CACNA1A: variants seen among roughly 807,000 people sequenced by gnomAD.
CACNA1A encodes the protein calcium voltage-gated channel subunit alpha1 A.
CACNA1A carries 57 observed loss-of-function variants against 262.4 expected under a neutral mutation model. That is an observed-to-expected ratio of 0.22 (90% CI 0.18 to 0.27). The LOEUF is 0.27. CACNA1A is among the 10% of genes least tolerant of loss of function. The pLI is 1.00. For missense variants in CACNA1A, 2,526 were observed against 3,562.8 expected (o/e 0.71, Z 7.41); for synonymous variants, 1,431 against 1,419.3 (o/e 1.01, Z -0.18).
chr19:13,219,813 C>T (rs972721886), intron 38 of CACNA1A, among the ~76,000 whole-genome samples: 1 of 151,850 alleles, frequency 6.6e-6, no homozygotes. Context: ...ATTATCCGGG[C>T]GTGGTGGCAC....
intron 3 of CACNA1A, among the ~76,000 whole-genome samples, chr19:13,373,023 T>C (rs34173160): frequency 0.065 from 9,924 of 152,296 alleles, 458 homozygotes; most frequent in Non-Finnish European, 0.1. Flanking sequence ...CTAAGTGATG[T>C]ACAGTGCGTG....
At chr19:13,221,836 T>C (rs774398143) in intron 38 of CACNA1A, among the ~76,000 whole-genome samples, 39 of 152,096 alleles carry the variant, frequency 2.6e-4, no homozygotes, top group Admixed American at 2.3e-3. Context: ...TGGCCTCCTC[T>C]TCTTCTTTCC....
chr19:13,338,109 G>T (rs2058608386), intron 6 of CACNA1A, among the ~76,000 whole-genome samples: 2 of 152,074 alleles, frequency 1.3e-5, no homozygotes, highest in South Asian at 4.2e-4. Flanking sequence ...TAGCTACCTG[G>T]GAGGCTGAGG....
intron 3 of CACNA1A, among the ~76,000 whole-genome samples, chr19:13,387,100 C>A: frequency 6.6e-6 from 1 of 152,078 alleles, no homozygotes; most frequent in Middle Eastern, 3.4e-3. Flanking sequence ...TACAGGCGTG[C>A]GCCACCACGC....
At chr19:13,322,459 T>A (rs980029057) in intron 10 of CACNA1A, among the ~76,000 whole-genome samples, 2 of 152,192 alleles carry the variant, frequency 1.3e-5, no homozygotes, top group Non-Finnish European at 2.9e-5. Context: ...TTCTGTTGTT[T>A]TAAGCCACTG....
intron 3 of CACNA1A, among the ~76,000 whole-genome samples, chr19:13,376,303 G>A (rs185450525): frequency 2.0e-5 from 3 of 152,206 alleles, no homozygotes; most frequent in African/African-American, 7.2e-5. Context: ...TCAATGCCTG[G>A]CTTCAAAGCT....
At position 13,294,150 on chromosome 19, in the gene CACNA1A, A is replaced by G. The variant is rs1230271348; in HGVS notation, c.3089+4394T>C. 2.0e-5 allele frequency among the ~76,000 whole-genome samples: 3 copies of G among 151,360 alleles called. No homozygotes were observed. The East Asian group carries it at 5.8e-4, about 29-fold the overall frequency. ...AGACATGAGGTCTTGCTCATCTCTA[A>G]AATGAGCAATGCTACTGCAATCCAA... On this transcript the variant is annotated intron_variant, in intron 19 of 46. Transcript: ENST00000360228.
rs2057330494 is a variant in CACNA1A at position 13,283,237 on chromosome 19, C to T, written c.3822+30G>A. ...AGTGGCCTGAGGCAGAGCAGCCAGG[C>T]TAGGAAGGGGTGTGCTCTGTGGGAC... On this transcript the variant is annotated intron_variant, in intron 22 of 46. Coordinates refer to ENST00000360228, the MANE Select transcript of CACNA1A (RefSeq NM_001127222.2). The T allele has an allele frequency of 1.9e-6, 3 of 1,607,116 alleles. No individual in the cohort carries two copies. The Admixed American group carries it at 5.0e-5, about 27-fold the overall frequency.
At chr19:13,328,580 C>T (rs1403867659) in intron 10 of CACNA1A, among the ~76,000 whole-genome samples, 1 of 152,072 alleles carries the variant, frequency 6.6e-6, no homozygotes, top group Non-Finnish European at 1.5e-5. Context: ...AGTTGAAAAG[C>T]TGTTAATATC....
At chr19:13,344,931 A>ATT (rs144371983) in intron 6 of CACNA1A, among the ~76,000 whole-genome samples, 1 of 150,856 alleles carries the variant, frequency 6.6e-6, no homozygotes, top group Non-Finnish European at 1.5e-5. Flanking sequence ...ATTTTTTTGT[A>ATT]TTTTTTTAGT....
intron 6 of CACNA1A, among the ~76,000 whole-genome samples, chr19:13,349,872 T>C (rs532687093): frequency 2.2e-4 from 33 of 152,174 alleles, no homozygotes; most frequent in Admixed American, 1.9e-3. Flanking sequence ...ACAGAGGAAG[T>C]GGCTGATCAC....
At chr19:13,295,484 T>C (rs1326224161) in intron 19 of CACNA1A, among the ~76,000 whole-genome samples, 2 of 146,870 alleles carry the variant, frequency 1.4e-5, no homozygotes, top group Non-Finnish European at 3.0e-5. Flanking sequence ...GGGTTTTTTC[T>C]TTCTTTCTTT....
In CACNA1A at chr19:13,212,414, G is replaced by T. The variant is rs767440240; in HGVS notation, c.6159C>A (p.Thr2053=). The T allele has an allele frequency of 6.2e-7, 1 of 1,613,376 alleles. No homozygotes were observed. The highest frequency in any genetic ancestry group is 1.7e-5 in the Admixed American group (1 of 59,902). The stretch of plus-strand genomic sequence containing the variant: ...AGTTAGGCTGGCTGTTGGGCATGTC[G>T]GTAGGGGGGCCTTGTTCCGGACTCC... The part of the protein sequence containing the change: ...GTWSPEQGPP[T]DMPNSQPNSQ... The change falls in exon 42 of 47, where the codon ACC becomes ACA. Residue 2053 remains threonine (T), a synonymous_variant. Transcript: ENST00000360228. The surrounding 1 kb of genome is among the most constrained non-coding windows in gnomAD (Gnocchi z 5.6).
chr19:13,494,284 A>T (rs1406069811), intron 1 of CACNA1A, among the ~76,000 whole-genome samples: 1 of 152,214 alleles, frequency 6.6e-6, no homozygotes, highest in African/African-American at 2.4e-5. Context: ...TATATTTTAT[A>T]TTCTTTTTTG....
chr19:13,353,558 A>G (rs1487642641), intron 6 of CACNA1A, among the ~76,000 whole-genome samples: 3 of 152,120 alleles, frequency 2.0e-5, no homozygotes, highest in Non-Finnish European at 4.4e-5. Flanking sequence ...CTGATCTCCT[A>G]TTGTCAGGCT....
At chr19:13,310,477 AAAAAAAAAAAAAATAT>A (rs2058002332) in intron 12 of CACNA1A, among the ~76,000 whole-genome samples, 7 of 42,254 alleles carry the variant, frequency 1.7e-4, no homozygotes, top group Admixed American at 2.6e-4. Context: ...AAAAAAAAAA[AAAAAAAAAAAAAATAT>A]ATATATATAT....
At chr19:13,211,315 C>A (rs775567955) in intron 43 of CACNA1A, 2 of 153,834 alleles carry the variant, frequency 1.3e-5, no homozygotes, top group African/African-American at 2.4e-5. Flanking sequence ...AGGCGGGCTG[C>A]GTGCATGGGC....
chr19:13,448,404 G>A (rs1235731857), intron 3 of CACNA1A, among the ~76,000 whole-genome samples: 1 of 152,050 alleles, frequency 6.6e-6, no homozygotes, highest in Non-Finnish European at 1.5e-5. Flanking sequence ...ATGGGTACTA[G>A]GCTTAATACG....
At position 13,207,600 on chromosome 19, in the gene CACNA1A, C is replaced by T. The variant is rs1409186744; in HGVS notation, c.7234G>A (p.Gly2412Ser). 2 of 1,482,760 alleles carry T rather than the reference C, an allele frequency of 1.3e-6. No homozygotes were observed. Among genetic ancestry groups the T allele is most frequent in the Non-Finnish European group, 1.8e-6 (2 of 1,116,896 alleles). The allele number at this position is 1,482,760 out of a possible 1,614,324, so 91.9% of individuals were successfully genotyped here. A position where few individuals can be genotyped will look rare whatever the true frequency, so the allele number is the denominator to read the frequency against. Residue 2412 changes from glycine to serine, a missense_variant, in exon 47 of 47, where the codon GGC (glycine) becomes AGC (serine). Physicochemically the swap from Gly to Ser is moderately conservative, Grantham distance 56. Around this residue, in one of 17 missense-constraint regions of CACNA1A, gnomAD observed 929 missense variants for 868.1 expected, o/e 1.07. Coordinates refer to ENST00000360228, the MANE Select transcript of CACNA1A (RefSeq NM_001127222.2). The surrounding 1 kb of genome is among the most constrained non-coding windows in gnomAD (Gnocchi z 5.7). ...CCATCGGCCTCGTCGTAGTCGGAGC[C>T]CCGGTAGTAGCCATGGTGCCGGGGA... ...PGPRHHGYYR[G>S]SDYDEADGPG...
Sources: gnomAD v4.1 joint callset for allele counts (sites outside exome capture counted in the v4.1 genomes callset) on GRCh38, gnomAD v4.1.1 for gene constraint, gnomAD v4.1.1 regional missense constraint, Gnocchi (gnomAD v3.1) non-coding constraint, MANE v1.5 for transcripts, NCBI Gene and HGNC (gene_info 2026-07-23, HGNC 2026-07-21) for gene names.